Variants in LPP observed in about 807,000 individuals in gnomAD.
LPP encodes the protein LIM domain containing preferred translocation partner in lipoma.
In LPP, 38 loss-of-function variants were observed where a neutral mutation model predicts 60.4. The ratio of observed to expected loss-of-function variants is 0.63; its 90% CI spans 0.49 to 0.83. The LOEUF (loss-of-function observed/expected upper bound fraction) is 0.83. LPP is among the 40% of genes least tolerant of loss of function. LPP has a pLI of 0.00. For synonymous variants in LPP, 328 were observed against 290.8 expected (o/e 1.13, Z -1.30); for missense variants, 902 against 783.6 (o/e 1.15, Z -1.80).
chr3:188,626,842 CAAATGAACATTTATTTT>C (rs1180052237), intron 7 of LPP, among the ~76,000 whole-genome samples: 1 of 151,920 alleles, frequency 6.6e-6, no homozygotes, highest in Non-Finnish European at 1.5e-5. Flanking sequence ...ATTATGTAGG[CAAATGAACATTTATTTT>C]AAATGACAGA....
intron 1 of LPP, among the ~76,000 whole-genome samples, chr3:188,164,347 T>C (rs1056866525): frequency 6.6e-6 from 1 of 152,196 alleles, no homozygotes; most frequent in African/African-American, 2.4e-5. Context: ...GATCTCTAGC[T>C]GTAACCGTGG....
chr3:188,295,738 C>T (rs948472126), intron 2 of LPP, among the ~76,000 whole-genome samples: 2 of 152,130 alleles, frequency 1.3e-5, no homozygotes, highest in African/African-American at 2.4e-5. Context: ...CTTGCTATGT[C>T]GCCCAGCTTG....
At chr3:188,677,077 T>G (rs1858297298) in intron 7 of LPP, among the ~76,000 whole-genome samples, 1 of 152,072 alleles carries the variant, frequency 6.6e-6, no homozygotes, top group African/African-American at 2.4e-5. Context: ...CATGCAAACT[T>G]GAAAGCAGAT....
At chr3:188,167,587 G>GT (rs1215707012) in intron 1 of LPP, among the ~76,000 whole-genome samples, 12 of 94,014 alleles carry the variant, frequency 1.3e-4, no homozygotes, top group East Asian at 9.5e-4. Flanking sequence ...TTGTGTGTGT[G>GT]TTGTTTTTTT....
chr3:188,374,117 A>G (rs1244803382), intron 3 of LPP, among the ~76,000 whole-genome samples: 6 of 152,050 alleles, frequency 3.9e-5, no homozygotes, highest in Admixed American at 1.3e-4. Flanking sequence ...GTAACCTTGT[A>G]GTATAGTTTG....
chr3:188,574,137 C>G (rs955875669), intron 6 of LPP, among the ~76,000 whole-genome samples: 1 of 152,132 alleles, frequency 6.6e-6, no homozygotes, highest in East Asian at 1.9e-4. Flanking sequence ...AGAAAGCATG[C>G]CTTCAGCACC....
chr3:188,680,966 C>T (rs1190757369), intron 7 of LPP, among the ~76,000 whole-genome samples: 1 of 151,898 alleles, frequency 6.6e-6, no homozygotes, highest in Admixed American at 6.6e-5. Flanking sequence ...CTGACAGACC[C>T]CCAGCTCTAT....
intron 9 of LPP, among the ~76,000 whole-genome samples, chr3:188,833,472 G>A (rs978117240): frequency 5.3e-5 from 8 of 152,094 alleles, no homozygotes; most frequent in Admixed American, 3.9e-4. Context: ...TCCTAGAGGC[G>A]GTGTATACAG....
chr3:188,592,728 G>A lies in LPP; in HGVS notation c.430-16433G>A, dbSNP rs528450120. Among the ~76,000 whole-genome samples the A allele has an allele frequency of 2.0e-4, 30 of 151,654 alleles. No homozygotes were observed. In the South Asian group the frequency reaches 4.0e-3, roughly 20 times the overall value. On this transcript the variant is annotated intron_variant, in intron 6 of 11. Coordinates refer to ENST00000617246, the MANE Select transcript of LPP (RefSeq NM_001375462.1). ...GGCTAATTTTTATATTTTTAGTAGA[G>A]ACAGGGTTTCACTATGTTGGCCAGG...
intron 3 of LPP, among the ~76,000 whole-genome samples, chr3:188,378,304 G>A (rs1306980766): frequency 6.6e-6 from 1 of 152,350 alleles, no homozygotes; most frequent in East Asian, 1.9e-4. Flanking sequence ...TGCCCCCAGA[G>A]GTGGAGCCTA....
intron 6 of LPP, among the ~76,000 whole-genome samples, chr3:188,559,279 T>C (rs547088204): frequency 1.3e-5 from 2 of 152,186 alleles, no homozygotes; most frequent in South Asian, 2.1e-4. Context: ...TTCACACATT[T>C]TTGAATATTT....
chr3:188,502,074 A>G (rs1203167844), intron 5 of LPP, among the ~76,000 whole-genome samples: 2 of 152,120 alleles, frequency 1.3e-5, no homozygotes, highest in African/African-American at 2.4e-5. Context: ...TATTTAGTTT[A>G]TGGGCTTATT....
chr3:188,597,182 A>C (rs1840152379), intron 6 of LPP, among the ~76,000 whole-genome samples: 1 of 152,196 alleles, frequency 6.6e-6, no homozygotes, highest in South Asian at 2.1e-4. Context: ...TTCCTTGAGG[A>C]AAATGTAGAG....
chr3:188,439,047 C>G (rs1793091200), intron 4 of LPP, among the ~76,000 whole-genome samples: 1 of 152,130 alleles, frequency 6.6e-6, no homozygotes, highest in Non-Finnish European at 1.5e-5. Flanking sequence ...TTAAAGAACT[C>G]TGCAAATTGT....
chr3:188,862,074 G>A (rs1255351407), intron 9 of LPP, among the ~76,000 whole-genome samples: 1 of 152,124 alleles, frequency 6.6e-6, no homozygotes, highest in Non-Finnish European at 1.5e-5. Context: ...TGTAGTCCCT[G>A]GGCAAGGATG....
At chr3:188,230,783 A>G (rs893897519) in intron 2 of LPP, among the ~76,000 whole-genome samples, 1 of 151,996 alleles carries the variant, frequency 6.6e-6, no homozygotes, top group Non-Finnish European at 1.5e-5. Flanking sequence ...CAAAAAAAAA[A>G]AAAAAGAAAA....
chr3:188,549,866 G>A (rs987250181), intron 6 of LPP, among the ~76,000 whole-genome samples: 25 of 152,070 alleles, frequency 1.6e-4, no homozygotes, highest in Non-Finnish European at 3.4e-4. Flanking sequence ...ATCAATTCTC[G>A]AACCCTGTTC....
intron 6 of LPP, among the ~76,000 whole-genome samples, chr3:188,537,898 A>C: frequency 6.6e-6 from 1 of 152,190 alleles, no homozygotes; most frequent in Non-Finnish European, 1.5e-5. Context: ...AGATATACAT[A>C]AAGATCAATG....
intron 7 of LPP, among the ~76,000 whole-genome samples, chr3:188,652,888 C>G (rs959127969): frequency 6.6e-6 from 1 of 152,190 alleles, no homozygotes; most frequent in African/African-American, 2.4e-5. Context: ...GGAGCTACTT[C>G]TACATTTATG....
Sources: allele counts gnomAD v4.1 joint callset (sites outside exome capture counted in the v4.1 genomes callset), GRCh38; gene constraint gnomAD v4.1.1; transcripts MANE v1.5; gene names NCBI Gene and HGNC (gene_info 2026-07-23, HGNC 2026-07-21).